SYNPO2L: variants seen among roughly 807,000 people sequenced by gnomAD.
SYNPO2L encodes synaptopodin 2-like protein.
Under a neutral mutation model 47.5 loss-of-function variants are expected in SYNPO2L, and 34 were observed. The ratio of observed to expected loss-of-function variants is 0.72; its 90% CI spans 0.54 to 0.95. The LOEUF is 0.95. Among genes scored for constraint, SYNPO2L ranks in the 40% least tolerant of loss-of-function variants. The pLI is 0.00. For synonymous variants in SYNPO2L, 536 were observed against 524.9 expected (o/e 1.02, Z -0.29); for missense variants, 1,246 against 1,282.0 (o/e 0.97, Z 0.43).
chr10:73,647,634 T>G lies in SYNPO2L; in HGVS notation c.2018A>C (p.Glu673Ala), dbSNP rs886108341. 5 of 1,614,018 alleles carry G rather than the reference T, an allele frequency of 3.1e-6. No homozygotes were observed. Among genetic ancestry groups the G allele is most frequent in the African/African-American group, 2.7e-5 (2 of 74,930 alleles). ...AGCCCCGAGGCTCAGAGCATCTTCT[T>G]CAGGACCAGATTCTGCACCCCCGGC... is the stretch of plus-strand genomic sequence containing the variant. ...PRAGGAESGP[E>A]EDALSLGAEA... is the part of the protein sequence containing the mutation. Residue 673 changes from glutamate to alanine, a missense_variant, in exon 4 of 4, where the codon GAA (glutamate) becomes GCA (alanine). Glu to Ala is a moderately radical substitution (Grantham distance 107). Transcript: ENST00000394810.
rs1161905168 is a variant in SYNPO2L, at chr10:73,648,190, G to T, written c.1462C>A (p.Arg488=). The change falls in exon 4 of 4, where the codon CGG becomes AGG. Residue 488 remains arginine (R), a synonymous_variant. Transcript: ENST00000394810. The part of the protein sequence containing the change: ...QRPTTTSVIF[R]PLAPKRANDS... Reference sequence around the variant, plus strand: ...TTCGCCCTTTTGGGGGCTAAAGGCCGGAAAATAACCGAGGTGGTAGTTGGC... The same window carrying T: ...TTCGCCCTTTTGGGGGCTAAAGGCCTGAAAATAACCGAGGTGGTAGTTGGC... 1.3e-6 allele frequency: 2 copies of T among 1,569,378 alleles called. No individual in the cohort carries two copies. Among genetic ancestry groups the T allele is most frequent in the East Asian group, 2.3e-5 (1 of 44,394 alleles).
In SYNPO2L at chr10:73,646,297, A is replaced by T; in HGVS notation, c.*421T>A. ...GCTTAGTGCAAACAGGGGTCAGTTC[A>T]GTCCCTTTGCTGTGTGCCTGGTGGT... On this transcript the variant is annotated 3_prime_UTR_variant, in exon 4 of 4. Coordinates refer to ENST00000394810, the MANE Select transcript of SYNPO2L (RefSeq NM_001114133.3). 1 of 995,284 alleles carries T rather than the reference A, an allele frequency of 1.0e-6. No individual in the cohort carries two copies. Among genetic ancestry groups the T allele is most frequent in the Non-Finnish European group, 1.2e-6 (1 of 837,196 alleles). The allele number at this position is 995,284 out of a possible 1,614,324, so 61.7% of individuals were successfully genotyped here.
chr10:73,648,970 C>T, intron 3 of SYNPO2L, 91 bp from the exon 4 acceptor site: 2 of 1,412,542 alleles, frequency 1.4e-6, no homozygotes, highest in Non-Finnish European at 9.2e-7. Flanking sequence ...TCCCAGCAAG[C>T]TCCCTCTTGC....
intron 3 of SYNPO2L, chr10:73,649,583 C>T (rs1374000977): frequency 2.3e-6 from 1 of 427,350 alleles, no homozygotes; most frequent in African/African-American, 2.2e-5. Context: ...ACATATACCC[C>T]AGCTTACATA....
Position 73,646,732 on chromosome 10 carries a change from C to G in SYNPO2L, c.2920G>C (p.Ala974Pro). The G allele has an allele frequency of 6.7e-7, 1 of 1,496,218 alleles. No individual in the cohort carries two copies. The highest frequency in any genetic ancestry group is 8.9e-7 in the Non-Finnish European group (1 of 1,122,410). 92.7% of individuals were successfully genotyped at this position (1,496,218 alleles called of 1,614,324 possible). ...GLQAHVWRPG[A>P]GHQ ...CCTGTGCCTGTTCACTGGTGCCCTGCCCCAGGCCTCCACACATGAGCTTGC... is the reference window on the plus strand; with the variant it reads ...CCTGTGCCTGTTCACTGGTGCCCTGGCCCAGGCCTCCACACATGAGCTTGC... Residue 974 changes from alanine to proline, a missense_variant, in exon 4 of 4, where the codon GCA becomes CCA. By Grantham distance (27) the Ala-to-Pro change is conservative (BLOSUM62 -1). Transcript: ENST00000394810.
chr10:73,645,434 C>T lies in SYNPO2L; in HGVS notation c.*1284G>A, dbSNP rs1442433041. On this transcript the variant is annotated 3_prime_UTR_variant, in exon 4 of 4. Transcript: ENST00000394810. ...TGCTTCTGATTTTGGCCTCACTTGC[C>T]ACACTCTGGCTCTCTTCTCCTTTCT... The T allele has an allele frequency of 3.2e-5, 32 of 999,760 alleles. No individual in the cohort carries two copies. Among genetic ancestry groups the T allele is most frequent in the Non-Finnish European group, 3.8e-5 (32 of 839,958 alleles). 61.9% of individuals were successfully genotyped at this position (999,760 alleles called of 1,614,324 possible). A position where few individuals can be genotyped will look rare whatever the true frequency, so the allele number is the denominator to read the frequency against.
In SYNPO2L at chr10:73,646,191, C is replaced by T; in HGVS notation, c.*527G>A. ...TTAGACGGAAGAGCACACACACACA[C>T]ACACACACACACACACACACACACA... On this transcript the variant is annotated 3_prime_UTR_variant, in exon 4 of 4. Coordinates refer to ENST00000394810, the MANE Select transcript of SYNPO2L (RefSeq NM_001114133.3). 2.1e-6 allele frequency: 2 copies of T among 970,976 alleles called. No individual in the cohort carries two copies. Among genetic ancestry groups the T allele is most frequent in the Non-Finnish European group, 2.4e-6 (2 of 817,076 alleles). The allele number at this position is 970,976 out of a possible 1,614,324, so 60.1% of individuals were successfully genotyped here.
intron 3 of SYNPO2L, chr10:73,650,282 T>C: frequency 2.0e-6 from 2 of 978,578 alleles, no homozygotes; most frequent in Non-Finnish European, 2.4e-6. Flanking sequence ...GTATCTTGAG[T>C]GGAAAGTAGA....
Position 73,647,313 on chromosome 10 carries a change from G to T in SYNPO2L, c.2339C>A (p.Pro780His). ...ACTTCTAGGCCGAGGGCCAAGACCA[G>T]GACCAGGTGTACCTTCCACCACATA... ...DRYVVEGTPGPGLGPRPRSPS... is the reference protein window; with the variant it reads ...DRYVVEGTPGHGLGPRPRSPS... Residue 780 changes from proline to histidine, a missense_variant, in exon 4 of 4, where the codon CCT becomes CAT. Coordinates refer to ENST00000394810, the MANE Select transcript of SYNPO2L (RefSeq NM_001114133.3). The T allele has an allele frequency of 6.2e-7, 1 of 1,614,096 alleles. No individual in the cohort carries two copies. Among genetic ancestry groups the T allele is most frequent in the Non-Finnish European group, 8.5e-7 (1 of 1,179,992 alleles).
rs1025573629 is a variant in SYNPO2L, at chr10:73,653,799, G to A, written c.258-146C>T. The A allele has an allele frequency of 8.6e-6, 10 of 1,165,740 alleles. No individual in the cohort carries two copies. In the African/African-American group the frequency reaches 1.1e-4, roughly 13 times the overall value. 72.2% of individuals were successfully genotyped at this position (1,165,740 alleles called of 1,614,324 possible). A position where few individuals can be genotyped will look rare whatever the true frequency, so the allele number is the denominator to read the frequency against. On this transcript the variant is annotated intron_variant, in intron 2 of 3. Coordinates refer to ENST00000394810, the MANE Select transcript of SYNPO2L (RefSeq NM_001114133.3). Reference sequence around the variant, plus strand: ...CATACAGTTGGAATGGGTGGGCCGGGAAGAGTGGAGATATGAAGACAAACT... The same window carrying A: ...CATACAGTTGGAATGGGTGGGCCGGAAAGAGTGGAGATATGAAGACAAACT...
At chr10:73,650,072 G>C (rs2081827598) in intron 3 of SYNPO2L, 19 of 985,302 alleles carry the variant, frequency 1.9e-5, no homozygotes, top group Non-Finnish European at 2.2e-5. Context: ...GTGGGGCCTG[G>C]GTAGGTGGGG....
In SYNPO2L at chr10:73,644,951, G is replaced by A; in HGVS notation, c.*1767C>T. 1 of 1,205,514 alleles carries A rather than the reference G, an allele frequency of 8.3e-7. No individual in the cohort carries two copies. The highest frequency in any genetic ancestry group is 1.1e-6 in the Non-Finnish European group (1 of 939,390). The allele number at this position is 1,205,514 out of a possible 1,614,324, so 74.7% of individuals were successfully genotyped here. ...TGTGACTCACACCCAACAAGCAAAG[G>A]AAATTATCACTTTCCAGATTACACA... is the stretch of plus-strand genomic sequence containing the variant. On this transcript the variant is annotated 3_prime_UTR_variant, in exon 4 of 4. Transcript: ENST00000394810.
chr10:73,655,250 A>G (rs907958006), intron 1 of SYNPO2L, among the ~76,000 whole-genome samples: 1 of 152,164 alleles, frequency 6.6e-6, no homozygotes, highest in Admixed American at 6.5e-5. Context: ...GGGTGAAACC[A>G]AAAGGATAAT....
chr10:73,646,049 C>T lies in SYNPO2L; in HGVS notation c.*669G>A. The T allele has an allele frequency of 1.0e-6, 1 of 970,360 alleles. No individual in the cohort carries two copies. Among genetic ancestry groups the T allele is most frequent in the Non-Finnish European group, 1.2e-6 (1 of 816,136 alleles). The allele number at this position is 970,360 out of a possible 1,614,324, so 60.1% of individuals were successfully genotyped here. ...CCGTGTTAGCCAGGATGGTCTCGAT[C>T]TCCTGACCTCGTGATCCGCCCGCCT... is the stretch of plus-strand genomic sequence containing the variant. On this transcript the variant is annotated 3_prime_UTR_variant, in exon 4 of 4. Transcript: ENST00000394810.
intron 3 of SYNPO2L, 124 bp downstream of exon 3, chr10:73,653,015 C>T (rs2081852868): frequency 1.7e-6 from 2 of 1,184,814 alleles, no homozygotes; most frequent in Non-Finnish European, 2.2e-6. Flanking sequence ...CTACTCATTA[C>T]CCCTCCTGTC....
Position 73,647,949 on chromosome 10 carries a change from G to A in SYNPO2L, c.1703C>T (p.Pro568Leu), listed in dbSNP as rs2081789548. 1.3e-6 allele frequency: 2 copies of A among 1,531,262 alleles called. No homozygotes were observed. The highest frequency in any genetic ancestry group is 1.3e-5 in the South Asian group (1 of 76,976). 94.9% of individuals were successfully genotyped at this position (1,531,262 alleles called of 1,614,324 possible). The change falls in exon 4 of 4, where the codon CCC becomes CTC. Residue 568 changes from proline to leucine, a missense_variant. Transcript: ENST00000394810. ...CATGGCAGCTGCGCTAGGAGGAGCG[G>A]GGGGCTCTGGAGCTCCACCTGGGGT... ...PVTPGGAPEP[P>L]APPSAAAMTS...
Position 73,648,408 on chromosome 10 carries a change from T to C in SYNPO2L, c.1244A>G (p.Asn415Ser). 6.2e-7 allele frequency: 1 copy of C among 1,607,814 alleles called. No individual in the cohort carries two copies. Among genetic ancestry groups the C allele is most frequent in the Admixed American group, 1.7e-5 (1 of 60,020 alleles). ...LARVEPAAMLNGEGLQSPPRA... is the reference protein window; with the variant it reads ...LARVEPAAMLSGEGLQSPPRA... ...AGGTGGTGACTGCAGGCCTTCCCCGTTGAGCATGGCTGCTGGTTCGACCCG... is the reference window on the plus strand; with the variant it reads ...AGGTGGTGACTGCAGGCCTTCCCCGCTGAGCATGGCTGCTGGTTCGACCCG... The change falls in exon 4 of 4, where the codon AAC (asparagine) becomes AGC (serine). Residue 415 changes from asparagine (N) to serine (S), a missense_variant. Coordinates refer to ENST00000394810, the MANE Select transcript of SYNPO2L (RefSeq NM_001114133.3).
rs189798321 is a variant in SYNPO2L, at chr10:73,646,710, G to C, written c.*8C>G. The C allele has an allele frequency of 1.4e-6, 2 of 1,477,668 alleles. No individual in the cohort carries two copies. Among genetic ancestry groups the C allele is most frequent in the Admixed American group, 4.7e-5 (2 of 42,122 alleles). The allele number at this position is 1,477,668 out of a possible 1,614,324, so 91.5% of individuals were successfully genotyped here. ...CCACCTCTCCTTGGTCCTGGGACCT[G>C]TGCCTGTTCACTGGTGCCCTGCCCC... On this transcript the variant is annotated 3_prime_UTR_variant, in exon 4 of 4. Coordinates refer to ENST00000394810, the MANE Select transcript of SYNPO2L (RefSeq NM_001114133.3).
At position 73,655,872 on chromosome 10, in the gene SYNPO2L, C is replaced by A; in HGVS notation, c.51G>T (p.Trp17Cys). The A allele has an allele frequency of 6.4e-7, 1 of 1,551,320 alleles. No homozygotes were observed. Among genetic ancestry groups the A allele is most frequent in the East Asian group, 2.4e-5 (1 of 40,884 alleles). The stretch of plus-strand genomic sequence containing the variant: ...CGGCCCCCCCATGAAGTCGGAAGCC[C>A]CAGGGGGCTCCCCCTGATAGTGTGA... The part of the protein sequence containing the change: ...VLVTLSGGAP[W>C]GFRLHGGAEQ... Residue 17 changes from tryptophan (W) to cysteine (C), a missense_variant, in exon 1 of 4, where the codon TGG becomes TGT. By Grantham distance (215) the Trp-to-Cys change is radical. This residue lies in a region of SYNPO2L where 61 missense variants were observed against 55.6 expected (regional missense o/e 1.10). Transcript: ENST00000394810.
Sources: gnomAD v4.1 joint callset for allele counts (sites outside exome capture counted in the v4.1 genomes callset) on GRCh38, gnomAD v4.1.1 for gene constraint, gnomAD v4.1.1 regional missense constraint, MANE v1.5 for transcripts, NCBI Gene and HGNC (gene_info 2026-07-23, HGNC 2026-07-21) for gene names.